ABI2: variants seen among roughly 807,000 people sequenced by gnomAD.
ABI2 encodes abelson interactor 2.
In ABI2, 25 loss-of-function variants were observed where a neutral mutation model predicts 59.2. The observed-to-expected ratio is 0.42, with a 90% CI of 0.31 to 0.59. The LOEUF is 0.59. ABI2 is among the 20% of genes least tolerant of loss of function. The pLI is 0.14. For missense variants in ABI2, 545 were observed against 681.8 expected (o/e 0.80, Z 2.23); for synonymous variants, 213 against 235.5 (o/e 0.90, Z 0.87).
At chr2:203,395,923 T>C in intron 7 of ABI2, 143 bp downstream of exon 7, 2 of 1,033,216 alleles carry the variant, frequency 1.9e-6, no homozygotes, top group Non-Finnish European at 2.7e-6. Context: ...ATATTTGTTA[T>C]TTGTAAGCAA....
At chr2:203,392,314 C>CCACCAACAA (rs1316028754) in intron 5 of ABI2, among the ~76,000 whole-genome samples, 1 of 123,228 alleles carries the variant, frequency 8.1e-6, no homozygotes, top group East Asian at 2.2e-4. Flanking sequence ...ACCACCACCA[C>CCACCAACAA]CAACAACAAC....
intron 2 of ABI2, chr2:203,374,882 A>G (rs748845339): frequency 1.1e-5 from 5 of 452,984 alleles, no homozygotes; most frequent in African/African-American, 4.0e-5. Context: ...TCAACTTTCA[A>G]TTATCTGTGG....
rs1030041926 is a variant in ABI2 at position 203,428,988 on chromosome 2, G to A, written c.*1636G>A. On this transcript the variant is annotated 3_prime_UTR_variant, in exon 12 of 12. Coordinates refer to ENST00000261018, the MANE Select transcript of ABI2 (RefSeq NM_001375670.1). The stretch of plus-strand genomic sequence containing the variant: ...TGTGTGAGAAAATTCAGATGGTGTC[G>A]GATGCAGAAGTTAATATTCCACTTA... The A allele has an allele frequency of 3.3e-5, 5 of 152,298 alleles. No individual in the cohort carries two copies. Among genetic ancestry groups the A allele is most frequent in the Non-Finnish European group, 4.4e-5 (3 of 68,018 alleles). 9.4% of individuals were successfully genotyped at this position (152,298 alleles called of 1,614,324 possible).
intron 9 of ABI2, among the ~76,000 whole-genome samples, chr2:203,408,598 A>G (rs1046984493): frequency 6.6e-6 from 1 of 151,742 alleles, no homozygotes. Flanking sequence ...GCACCTAATC[A>G]TTCTTTTTTA....
At chr2:203,401,323 C>T (rs1038458995) in intron 8 of ABI2, among the ~76,000 whole-genome samples, 5 of 151,944 alleles carry the variant, frequency 3.3e-5, no homozygotes, top group African/African-American at 1.2e-4. Context: ...GTCCCCTTTC[C>T]GCTTTCTTCT....
intron 1 of ABI2, among the ~76,000 whole-genome samples, chr2:203,358,058 G>C (rs929781573): frequency 1.4e-5 from 2 of 147,288 alleles, no homozygotes; most frequent in South Asian, 2.2e-4. Context: ...ATGAGCCACT[G>C]TGCCTGGCCT....
rs182980568 is a variant in ABI2 at position 203,391,356 on chromosome 2, T to A, written c.578+213T>A. 1.2e-4 allele frequency among the ~76,000 whole-genome samples: 19 copies of A among 152,334 alleles called. No individual in the cohort carries two copies. The East Asian group carries it at 3.7e-3, about 29-fold the overall frequency. On this transcript the variant is annotated intron_variant, in intron 5 of 11. Transcript: ENST00000261018. ...AATTGTTTTTCTAGTGAATTTTAAA[T>A]TTGAGGTAAAATCCTAGCCCAAGTT...
In ABI2 at chr2:203,345,620, T is replaced by G. The variant is rs532596134; in HGVS notation, c.117+16989T>G. 2.0e-5 allele frequency among the ~76,000 whole-genome samples: 3 copies of G among 151,920 alleles called. No individual in the cohort carries two copies. In the East Asian group the frequency reaches 5.9e-4, roughly 30 times the overall value. On this transcript the variant is annotated intron_variant, in intron 1 of 11. Coordinates refer to ENST00000261018, the MANE Select transcript of ABI2 (RefSeq NM_001375670.1). ...GATGGGGTTTCACCGTCTTGGCCAG[T>G]CTGGTCTCGAACTCCTGACTTCAGG...
At chr2:203,353,684 GA>G (rs911458191) in intron 1 of ABI2, among the ~76,000 whole-genome samples, 1 of 152,138 alleles carries the variant, frequency 6.6e-6, no homozygotes. Context: ...TTTTAGTAGA[GA>G]TGGGGTTTTA....
chr2:203,364,470 C>T (rs1032640869), intron 1 of ABI2, among the ~76,000 whole-genome samples: 1 of 152,132 alleles, frequency 6.6e-6, no homozygotes, highest in African/African-American at 2.4e-5. Flanking sequence ...ACCACTGAAC[C>T]ACCATTGCGC....
At chr2:203,372,354 C>T (rs1418457813) in intron 2 of ABI2, among the ~76,000 whole-genome samples, 18 of 152,332 alleles carry the variant, frequency 1.2e-4, no homozygotes, top group East Asian at 5.8e-4. Flanking sequence ...GGCAACCATC[C>T]GATTTCCCAA....
At chr2:203,368,987 T>A (rs897611467) in intron 2 of ABI2, among the ~76,000 whole-genome samples, 23,269 of 33,140 alleles carry the variant, frequency 0.7, 7,166 homozygotes, top group Middle Eastern at 0.79. Context: ...TTGGCTGATT[T>A]TTTTTTTTTT....
intron 11 of ABI2, among the ~76,000 whole-genome samples, chr2:203,417,615 A>G (rs960571003): frequency 2.0e-5 from 3 of 152,208 alleles, no homozygotes; most frequent in African/African-American, 7.2e-5. Flanking sequence ...ATCAGCTCAG[A>G]AAAAAATGTG....
intron 1 of ABI2, among the ~76,000 whole-genome samples, chr2:203,345,327 G>C (rs1490385008): frequency 6.6e-6 from 1 of 152,160 alleles, no homozygotes; most frequent in East Asian, 1.9e-4. Context: ...CTGGAAGGAA[G>C]AAACTCCGGA....
intron 10 of ABI2, among the ~76,000 whole-genome samples, chr2:203,413,751 C>T (rs564524973): frequency 6.6e-6 from 1 of 152,210 alleles, no homozygotes; most frequent in African/African-American, 2.4e-5. Flanking sequence ...TCTTTTGGTA[C>T]ATCTTCAAAG....
At chr2:203,350,347 C>T (rs568682321) in intron 1 of ABI2, among the ~76,000 whole-genome samples, 2 of 151,838 alleles carry the variant, frequency 1.3e-5, no homozygotes, top group South Asian at 2.1e-4. Context: ...CCACGCCTGG[C>T]CAACGGTCTC....
chr2:203,402,537 T>G, intron 8 of ABI2, 39 bp from the exon 9 acceptor site: 1 of 1,371,876 alleles, frequency 7.3e-7, no homozygotes, highest in Non-Finnish European at 9.5e-7. Flanking sequence ...TGAGATAATT[T>G]TCTTTTAATG....
intron 4 of ABI2, among the ~76,000 whole-genome samples, chr2:203,386,840 T>C (rs1286261329): frequency 1.3e-5 from 2 of 152,084 alleles, no homozygotes; most frequent in African/African-American, 4.8e-5. Context: ...GGTTTTGCCA[T>C]GTTGGCCAGG....
rs146150364 is a variant in ABI2, at chr2:203,407,963, T to G, written c.1193-3322T>G. Among the ~76,000 whole-genome samples, 388 of 152,244 alleles carry G rather than the reference T, an allele frequency of 2.5e-3. 3 individuals are homozygous for G. Among genetic ancestry groups the G allele is most frequent in the African/African-American group, 8.0e-3 (334 of 41,538 alleles). On this transcript the variant is annotated intron_variant, in intron 9 of 11. Transcript: ENST00000261018. ...AATCTTACAAGGTCCGAAAAGAAAA[T>G]GATGTGGTATCTGAATTAATTTCGA...
Sources: allele counts gnomAD v4.1 joint callset (sites outside exome capture counted in the v4.1 genomes callset), GRCh38; gene constraint gnomAD v4.1.1; transcripts MANE v1.5; gene names NCBI Gene and HGNC (gene_info 2026-07-23, HGNC 2026-07-21).